The following MAF variants were observed in gnomAD, a reference collection of about 807,000 sequenced individuals.
MAF encodes the protein transcription factor Maf.
MAF carries 10 observed loss-of-function variants against 22.0 expected under a neutral mutation model. That is an observed-to-expected ratio of 0.45 (90% confidence interval 0.28 to 0.77). The LOEUF is 0.77. MAF is among the 30% of genes least tolerant of loss of function. The pLI is 0.12. For synonymous variants in MAF, 337 were observed against 255.8 expected (o/e 1.32, Z -3.03); for missense variants, 544 against 548.4 (o/e 0.99, Z 0.08).
At chr16:79,340,265 C>G in the MAF span, among the ~76,000 whole-genome samples, 1 of 151,948 alleles carries the variant, frequency 6.6e-6, no homozygotes, top group Admixed American at 6.5e-5. Flanking sequence ...TTCCTGCCTG[C>G]CTTCAACACT....
the MAF span, among the ~76,000 whole-genome samples, chr16:79,351,620 A>G: frequency 6.6e-6 from 1 of 151,906 alleles, no homozygotes; most frequent in African/African-American, 2.4e-5. Flanking sequence ...GAATCTTGGA[A>G]TTGTGGATTC....
chr16:79,496,748 C>T, the MAF span, among the ~76,000 whole-genome samples: 1 of 152,262 alleles, frequency 6.6e-6, no homozygotes, highest in Non-Finnish European at 1.5e-5. Context: ...TGAAAATAAA[C>T]ACACCAGTGG....
the MAF span, among the ~76,000 whole-genome samples, chr16:79,277,281 G>C: frequency 6.6e-6 from 1 of 152,092 alleles, no homozygotes; most frequent in African/African-American, 2.4e-5. Flanking sequence ...TCGCATACAG[G>C]GGTACCAGGA....
At chr16:79,346,592 T>G in the MAF span, among the ~76,000 whole-genome samples, 1 of 152,196 alleles carries the variant, frequency 6.6e-6, no homozygotes, top group Non-Finnish European at 1.5e-5. Flanking sequence ...AGAAGGATTT[T>G]GAAGGTGATG....
chr16:79,415,830 C>T, the MAF span, among the ~76,000 whole-genome samples: 2 of 151,952 alleles, frequency 1.3e-5, no homozygotes, highest in African/African-American at 4.8e-5. Flanking sequence ...ATCTGTAAAA[C>T]AATGGCAACT....
At chr16:79,411,756 G>T in the MAF span, among the ~76,000 whole-genome samples, 1 of 152,158 alleles carries the variant, frequency 6.6e-6, no homozygotes, top group Non-Finnish European at 1.5e-5. Flanking sequence ...TCCTCTTGCT[G>T]CTCACTCTTC....
At chr16:79,391,858 A>G in the MAF span, among the ~76,000 whole-genome samples, 2 of 146,546 alleles carry the variant, frequency 1.4e-5, no homozygotes, top group African/African-American at 5.0e-5. Flanking sequence ...AAGAGAGAGA[A>G]GAAGGAGGAG....
the MAF span, among the ~76,000 whole-genome samples, chr16:79,330,924 A>G: frequency 1.3e-5 from 2 of 152,310 alleles, no homozygotes; most frequent in Admixed American, 6.5e-5. Flanking sequence ...CACCTTCCTT[A>G]TTGGACAAAA....
At chr16:79,421,839 A>G in the MAF span, among the ~76,000 whole-genome samples, 1 of 152,044 alleles carries the variant, frequency 6.6e-6, no homozygotes, top group African/African-American at 2.4e-5. Flanking sequence ...GTTCAGTGGC[A>G]CAATCTCAGC....
the MAF span, among the ~76,000 whole-genome samples, chr16:79,293,575 T>G: frequency 6.6e-6 from 1 of 152,180 alleles, no homozygotes; most frequent in African/African-American, 2.4e-5. Flanking sequence ...ATCACAGAGC[T>G]AGGAAATTGC....
the MAF span, among the ~76,000 whole-genome samples, chr16:79,259,516 C>T: frequency 6.6e-6 from 1 of 152,138 alleles, no homozygotes; most frequent in African/African-American, 2.4e-5. Flanking sequence ...AGTGCTTGTC[C>T]TTCATGGCCA....
the MAF span, among the ~76,000 whole-genome samples, chr16:79,363,229 A>C: frequency 6.6e-6 from 1 of 152,188 alleles, no homozygotes. Context: ...GCTCTTAAGG[A>C]TCGCTCAGCT....
the MAF span, among the ~76,000 whole-genome samples, chr16:79,250,979 T>C: frequency 6.6e-6 from 1 of 152,194 alleles, no homozygotes; most frequent in Non-Finnish European, 1.5e-5. Context: ...ATCAGCATCA[T>C]TGTAACAGTG....
At chr16:79,334,150 G>A in the MAF span, among the ~76,000 whole-genome samples, 1 of 152,336 alleles carries the variant, frequency 6.6e-6, no homozygotes, top group South Asian at 2.1e-4. Flanking sequence ...ATTCAAGAAC[G>A]TTCATAGCAG....
intron 1 of MAF, chr16:79,598,445 C>CGG (rs879026604): frequency 1.2e-4 from 42 of 338,128 alleles, no homozygotes; most frequent in Middle Eastern, 9.0e-4. Flanking sequence ...GGGGGTGGGG[C>CGG]GGGGGGGTGT....
the MAF span, among the ~76,000 whole-genome samples, chr16:79,298,036 T>C: frequency 6.6e-6 from 1 of 152,212 alleles, no homozygotes; most frequent in Admixed American, 6.5e-5. Flanking sequence ...GGAATGAAAA[T>C]GCAGGGCTAC....
At chr16:79,491,512 T>G in the MAF span, among the ~76,000 whole-genome samples, 1 of 151,918 alleles carries the variant, frequency 6.6e-6, no homozygotes, top group Non-Finnish European at 1.5e-5. Flanking sequence ...CTGCCCCATT[T>G]CCCCATAGTG....
At chr16:79,400,926 T>A in the MAF span, among the ~76,000 whole-genome samples, 1 of 152,260 alleles carries the variant, frequency 6.6e-6, no homozygotes. Flanking sequence ...GAGCAGCTGA[T>A]CTGCCTGTCA....
chr16:79,402,576 G>C, the MAF span, among the ~76,000 whole-genome samples: 6 of 152,240 alleles, frequency 3.9e-5, no homozygotes, highest in African/African-American at 1.4e-4. Context: ...CAGGAGCAGG[G>C]CTGGCGTGCA....
Sources: gnomAD v4.1 joint callset for allele counts (sites outside exome capture counted in the v4.1 genomes callset) on GRCh38, gnomAD v4.1.1 for gene constraint, MANE v1.5 for transcripts, NCBI Gene and HGNC (gene_info 2026-07-23, HGNC 2026-07-21) for gene names.